ZNF254: variants seen among roughly 807,000 people sequenced by gnomAD.
ZNF254 encodes CTD-2017D11.1.
A neutral mutation model predicts 12.4 loss-of-function variants in ZNF254; 10 were observed. The observed-to-expected ratio is 0.80, with a 90% CI of 0.50 to 1.36. ZNF254 has a LOEUF of 1.36. ZNF254 is among the 40% of genes most tolerant of loss of function. The probability of loss-of-function intolerance (pLI) is 0.00; values close to 1 mark genes in which losing one functional copy is unlikely to be tolerated. For missense variants in ZNF254, 996 were observed against 763.9 expected, an observed-to-expected ratio of 1.30 and a Z score of -3.58; for synonymous variants, 305 against 253.4, an observed-to-expected ratio of 1.20 and a Z score of -1.93.
intron 1 of ZNF254, chr19:24,098,540 C>G (rs531846450): frequency 6.6e-6 from 1 of 152,216 alleles, no homozygotes; most frequent in East Asian, 1.9e-4. Flanking sequence ...ATAATATGCC[C>G]CCTTTCTTCA....
intron 1 of ZNF254, among the ~76,000 whole-genome samples, chr19:24,097,293 A>C (rs574571440): frequency 6.6e-6 from 1 of 152,218 alleles, no homozygotes; most frequent in Non-Finnish European, 1.5e-5. Flanking sequence ...AAAATAGACA[A>C]AATTTAGCAG....
At chr19:24,048,836 T>C (rs958306954) in intron 2 of ZNF254, 22 of 152,086 alleles carry the variant, frequency 1.4e-4, no homozygotes, top group Admixed American at 2.6e-4. Flanking sequence ...CTCAGGTGAT[T>C]CTTCTGTTTC....
chr19:24,113,463 G>A (rs993370723), intron 3 of ZNF254, among the ~76,000 whole-genome samples: 5 of 152,060 alleles, frequency 3.3e-5, no homozygotes, highest in African/African-American at 1.2e-4. Flanking sequence ...ATGCAGAAAA[G>A]GCCTTTGACA....
At position 24,127,880 on chromosome 19, in the gene ZNF254, A is replaced by C. The variant is rs1975010904; in HGVS notation, c.1880A>C (p.Glu627Ala). ...LTKHKRIHTG[E>A]QPYKWEKFGK... ...AAACATAAGAGAATTCATACTGGAG[A>C]GCAACCCTACAAATGGGAAAAATTT... Residue 627 changes from glutamate (E) to alanine (A), a missense_variant, in exon 4 of 4, where the codon GAG becomes GCG. Transcript: ENST00000357002. 1 of 1,613,262 alleles carries C rather than the reference A, an allele frequency of 6.2e-7. No individual in the cohort carries two copies. Among genetic ancestry groups the C allele is most frequent in the African/African-American group, 1.3e-5 (1 of 75,008 alleles).
chr19:24,116,337 C>G (rs1442875540), intron 3 of ZNF254, among the ~76,000 whole-genome samples: 1 of 152,126 alleles, frequency 6.6e-6, no homozygotes, highest in Admixed American at 6.6e-5. Context: ...GTACACCAAT[C>G]AGATGTGGAT....
intron 1 of ZNF254, among the ~76,000 whole-genome samples, chr19:24,091,322 A>G (rs1156557728): frequency 6.6e-6 from 1 of 152,116 alleles, no homozygotes; most frequent in Non-Finnish European, 1.5e-5. Flanking sequence ...AAAGAAAAAA[A>G]AAAAAAAATC....
intron 3 of ZNF254, chr19:24,107,139 T>G: frequency 3.6e-6 from 2 of 549,324 alleles, no homozygotes; most frequent in South Asian, 5.0e-5. Context: ...CAAAGTAGGA[T>G]GTCCTTCTGC....
Position 24,126,629 on chromosome 19 carries a change from A to G in ZNF254, c.629A>G (p.Tyr210Cys). Residue 210 changes from tyrosine (Y) to cysteine (C), a missense_variant, in exon 4 of 4, where the codon TAC (tyrosine) becomes TGC (cysteine). Coordinates refer to ENST00000357002, the MANE Select transcript of ZNF254 (RefSeq NM_203282.4). Reference protein sequence around the residue: ...HKSIYHREKSYKCKECGKTFN... With the variant: ...HKSIYHREKSCKCKECGKTFN... ...AGCATTTATCATAGAGAGAAGTCCT[A>G]CAAATGTAAAGAATGTGGAAAAACC... The G allele has an allele frequency of 2.5e-6, 4 of 1,610,172 alleles. No homozygotes were observed. The highest frequency in any genetic ancestry group is 3.4e-6 in the Non-Finnish European group (4 of 1,178,968).
At chr19:24,112,768 T>G (rs1334563014) in intron 3 of ZNF254, among the ~76,000 whole-genome samples, 2 of 152,026 alleles carry the variant, frequency 1.3e-5, no homozygotes, top group Non-Finnish European at 2.9e-5. Flanking sequence ...ATCAACAAAA[T>G]TGATAGACCA....
chr19:24,077,371 T>C (rs532958076), intron 2 of ZNF254, among the ~76,000 whole-genome samples: 4 of 152,146 alleles, frequency 2.6e-5, no homozygotes, highest in Non-Finnish European at 5.9e-5. Context: ...AGAATAAACT[T>C]TCCAAATTTA....
At chr19:24,123,022 T>G (rs1474932505) in intron 3 of ZNF254, among the ~76,000 whole-genome samples, 1 of 152,214 alleles carries the variant, frequency 6.6e-6, no homozygotes, top group Non-Finnish European at 1.5e-5. Context: ...CTTTATTGTC[T>G]CTTGAGATTC....
intron 1 of ZNF254, among the ~76,000 whole-genome samples, chr19:24,101,942 G>A (rs1296014057): frequency 1.3e-5 from 2 of 152,202 alleles, no homozygotes; most frequent in Non-Finnish European, 2.9e-5. Context: ...AGTTTCTCCA[G>A]TTCCCTGGTA....
At chr19:24,044,209 C>T (rs1195084941) in intron 1 of ZNF254, among the ~76,000 whole-genome samples, 3 of 146,744 alleles carry the variant, frequency 2.0e-5, no homozygotes, top group African/African-American at 7.6e-5. Flanking sequence ...TACTGCACTC[C>T]ATCCTGGCGA....
Position 24,127,600 on chromosome 19 carries a change from A to C in ZNF254, c.1600A>C (p.Thr534Pro), listed in dbSNP as rs754841747. 6.2e-7 allele frequency: 1 copy of C among 1,608,140 alleles called. No homozygotes were observed. The highest frequency in any genetic ancestry group is 1.3e-5 in the African/African-American group (1 of 75,006). The part of the protein sequence containing the change: ...GKAFNWSSTL[T>P]KHKIIHTEEK... ...AGCCTTTAACTGGTCCTCAACTCTT[A>C]CTAAACATAAGATAATTCATACTGA... Residue 534 changes from threonine (T) to proline (P), a missense_variant, in exon 4 of 4, where the codon ACT (threonine) becomes CCT (proline). Coordinates refer to ENST00000357002, the MANE Select transcript of ZNF254 (RefSeq NM_203282.4).
chr19:24,127,487 G>T lies in ZNF254; in HGVS notation c.1487G>T (p.Gly496Val), dbSNP rs540732767. Residue 496 changes from glycine (G) to valine (V), a missense_variant, in exon 4 of 4, where the codon GGC (glycine) becomes GTC (valine). Coordinates refer to ENST00000357002, the MANE Select transcript of ZNF254 (RefSeq NM_203282.4). ...GEKPYKCEECGKSFSQSSTLT... is the reference protein window; with the variant it reads ...GEKPYKCEECVKSFSQSSTLT... ...AAACCCTACAAATGTGAAGAATGTG[G>T]CAAATCTTTTAGCCAATCCTCAACC... The T allele has an allele frequency of 3.1e-6, 5 of 1,613,384 alleles. No individual in the cohort carries two copies. In the African/African-American group the frequency reaches 6.7e-5, roughly 22 times the overall value.
At chr19:24,037,991 C>A (rs1717922254) in intron 1 of ZNF254, among the ~76,000 whole-genome samples, 1 of 152,196 alleles carries the variant, frequency 6.6e-6, no homozygotes, top group Non-Finnish European at 1.5e-5. Context: ...AGGTAATGCA[C>A]CCGCCTCGGA....
At chr19:24,052,763 C>T (rs1300692112) in intron 2 of ZNF254, among the ~76,000 whole-genome samples, 4 of 152,182 alleles carry the variant, frequency 2.6e-5, no homozygotes, top group Non-Finnish European at 5.9e-5. Flanking sequence ...TGTGAGTCTT[C>T]TGGTCAATCC....
chr19:24,126,311 T>C lies in ZNF254; in HGVS notation c.311T>C (p.Phe104Ser). The part of the protein sequence containing the change: ...LWPEQGMEDS[F>S]QKAILRRYGK... ...CCAGAGCAGGGCATGGAAGATTCTT[T>C]TCAAAAAGCAATACTGAGAAGATAT... Residue 104 changes from phenylalanine (F) to serine (S), a missense_variant, in exon 4 of 4, where the codon TTT (phenylalanine) becomes TCT (serine). By Grantham distance (155) the Phe-to-Ser change is radical (BLOSUM62 -2). Transcript: ENST00000357002. The C allele has an allele frequency of 1.9e-6, 3 of 1,588,512 alleles. No homozygotes were observed. Among genetic ancestry groups the C allele is most frequent in the Non-Finnish European group, 2.6e-6 (3 of 1,169,620 alleles).
Position 24,106,529 on chromosome 19 carries a change from GT to G in ZNF254, c.158-17del. The G allele has an allele frequency of 6.4e-7, 1 of 1,556,628 alleles. No homozygotes were observed. Among genetic ancestry groups the G allele is most frequent in the East Asian group, 2.4e-5 (1 of 41,428 alleles). ...GGAGAATATAAGCAAGATTCATTTAGTTATTTTTAATAAAACAGGTATTGCT... is the reference window on the plus strand; with the variant it reads ...GGAGAATATAAGCAAGATTCATTTAGTATTTTTAATAAAACAGGTATTGCT... On this transcript the variant is annotated intron_variant, in intron 2 of 3. Coordinates refer to ENST00000357002, the MANE Select transcript of ZNF254 (RefSeq NM_203282.4).
Sources: allele counts gnomAD v4.1 joint callset (sites outside exome capture counted in the v4.1 genomes callset), GRCh38; gene constraint gnomAD v4.1.1; transcripts MANE v1.5; gene names NCBI Gene and HGNC (gene_info 2026-07-23, HGNC 2026-07-21).